CELF4: variants seen among roughly 807,000 people sequenced by gnomAD.
The protein encoded by CELF4 is CUGBP Elav-like family member 4.
In CELF4, 18 loss-of-function variants were observed where a neutral mutation model predicts 59.9. The ratio of observed to expected loss-of-function variants is 0.30; its 90% CI spans 0.21 to 0.45. The LOEUF (loss-of-function observed/expected upper bound fraction) is 0.45, where lower values mean the gene tolerates loss of function less well. CELF4 is among the 20% of genes least tolerant of loss of function. CELF4 has a pLI of 1.00. For synonymous variants in CELF4, 261 were observed against 267.1 expected (o/e 0.98, Z 0.22); for missense variants, 456 against 689.0 (o/e 0.66, Z 3.79).
chr18:37,435,872 C>T (rs895179944), intron 2 of CELF4, among the ~76,000 whole-genome samples: 3 of 152,106 alleles, frequency 2.0e-5, no homozygotes, highest in Admixed American at 6.5e-5. Flanking sequence ...CTTGAGAGAG[C>T]CTATAGGGAG....
intron 2 of CELF4, among the ~76,000 whole-genome samples, chr18:37,460,073 G>A (rs1197601186): frequency 3.9e-5 from 6 of 152,174 alleles, no homozygotes; most frequent in African/African-American, 9.7e-5. Context: ...GGAGGAAGTC[G>A]AAGGAATAGA....
chr18:37,261,535 C>T (rs2074474789), intron 10 of CELF4, among the ~76,000 whole-genome samples: 1 of 152,238 alleles, frequency 6.6e-6, no homozygotes, highest in Non-Finnish European at 1.5e-5. Flanking sequence ...ACAGTGAGCC[C>T]ACACGCTGTC....
At chr18:37,371,322 C>A (rs914227793) in intron 2 of CELF4, among the ~76,000 whole-genome samples, 1 of 152,146 alleles carries the variant, frequency 6.6e-6, no homozygotes, top group Non-Finnish European at 1.5e-5. Flanking sequence ...TAGTGCCAGC[C>A]CTGGAGCAGT....
chr18:37,462,413 T>A (rs1489449392), intron 2 of CELF4, among the ~76,000 whole-genome samples: 1 of 152,188 alleles, frequency 6.6e-6, no homozygotes, highest in Non-Finnish European at 1.5e-5. Context: ...GGCCTTTCTG[T>A]CTGGCTGTCT....
intron 2 of CELF4, chr18:37,473,615 C>CGA (rs1466360298): frequency 6.6e-6 from 1 of 152,248 alleles, no homozygotes; most frequent in Non-Finnish European, 1.5e-5. Flanking sequence ...AGAAGCTCCT[C>CGA]TTGTCCACAC....
At chr18:37,470,746 A>G (rs909542005) in intron 2 of CELF4, among the ~76,000 whole-genome samples, 1 of 152,110 alleles carries the variant, frequency 6.6e-6, no homozygotes, top group Non-Finnish European at 1.5e-5. Flanking sequence ...AGAGGAGCAC[A>G]CAGGGTTTCT....
At chr18:37,359,103 A>T (rs905978416) in intron 2 of CELF4, among the ~76,000 whole-genome samples, 4 of 149,088 alleles carry the variant, frequency 2.7e-5, no homozygotes, top group African/African-American at 9.9e-5. Flanking sequence ...CTCCAAAAAA[A>T]ACAAAACAAA....
intron 1 of CELF4, among the ~76,000 whole-genome samples, chr18:37,530,930 T>C (rs898713544): frequency 6.7e-6 from 1 of 149,556 alleles, no homozygotes; most frequent in African/African-American, 2.5e-5. Context: ...GATAAGAATC[T>C]GGTCCAGGTC....
At chr18:37,437,389 C>G (rs957439908) in intron 2 of CELF4, among the ~76,000 whole-genome samples, 40 of 152,340 alleles carry the variant, frequency 2.6e-4, no homozygotes, top group African/African-American at 9.4e-4. Flanking sequence ...GGAAGCCTTT[C>G]AGCATTGCAG....
At chr18:37,377,597 A>G (rs1006962691) in intron 2 of CELF4, among the ~76,000 whole-genome samples, 7 of 152,246 alleles carry the variant, frequency 4.6e-5, no homozygotes, top group African/African-American at 1.4e-4. Flanking sequence ...ATGAGAGAAC[A>G]TGGAGAACAT....
chr18:37,493,308 A>G (rs1162404392), intron 1 of CELF4, among the ~76,000 whole-genome samples: 2 of 151,572 alleles, frequency 1.3e-5, no homozygotes, highest in Admixed American at 6.6e-5. Context: ...TTCAACCCCA[A>G]CCTCTCTCAT....
intron 2 of CELF4, among the ~76,000 whole-genome samples, chr18:37,422,499 AGGAATAAGT>A (rs1370433823): frequency 6.6e-6 from 1 of 152,212 alleles, no homozygotes; most frequent in African/African-American, 2.4e-5. Flanking sequence ...TGCAAGTGTC[AGGAATAAGT>A]GGGGGAACCA....
chr18:37,515,329 C>T (rs1226822420), intron 1 of CELF4, among the ~76,000 whole-genome samples: 2 of 152,312 alleles, frequency 1.3e-5, no homozygotes, highest in East Asian at 1.9e-4. Context: ...GTTCTCCCCT[C>T]CTGGCTGCTC....
chr18:37,382,049 G>A (rs562202592), intron 2 of CELF4, among the ~76,000 whole-genome samples: 2 of 152,188 alleles, frequency 1.3e-5, no homozygotes, highest in Non-Finnish European at 2.9e-5. Context: ...GTTAAACCTG[G>A]TGGTCCTTAA....
At chr18:37,472,897 G>T (rs1029059741) in intron 2 of CELF4, among the ~76,000 whole-genome samples, 1 of 152,158 alleles carries the variant, frequency 6.6e-6, no homozygotes. Flanking sequence ...CATTTATGAT[G>T]GTTAAGCTAG....
At chr18:37,521,466 T>G (rs2099957355) in intron 1 of CELF4, among the ~76,000 whole-genome samples, 1 of 152,196 alleles carries the variant, frequency 6.6e-6, no homozygotes, top group Non-Finnish European at 1.5e-5. Context: ...GTTGGCTGAT[T>G]GATATCTACA....
chr18:37,267,311 G>A (rs926256692), intron 8 of CELF4, among the ~76,000 whole-genome samples: 4 of 152,224 alleles, frequency 2.6e-5, no homozygotes, highest in African/African-American at 9.7e-5. Context: ...GGGAAGAGAG[G>A]TCCCCTGTAC....
At chr18:37,300,381 C>T (rs766467759) in intron 3 of CELF4, among the ~76,000 whole-genome samples, 2 of 152,178 alleles carry the variant, frequency 1.3e-5, no homozygotes, top group Admixed American at 6.5e-5. Context: ...CCTGCCACCG[C>T]ACTTGGCTAA....
chr18:37,509,572 G>A (rs373393609), intron 1 of CELF4, among the ~76,000 whole-genome samples: 1 of 152,248 alleles, frequency 6.6e-6, no homozygotes, highest in African/African-American at 2.4e-5. Context: ...CTGAATCAAG[G>A]TGGGGACCTT....
Sources: gnomAD v4.1 joint callset for allele counts (sites outside exome capture counted in the v4.1 genomes callset) on GRCh38, gnomAD v4.1.1 for gene constraint, MANE v1.5 for transcripts, NCBI Gene and HGNC (gene_info 2026-07-23, HGNC 2026-07-21) for gene names.